The following ACKR2 variants were observed in gnomAD, a reference collection of about 807,000 sequenced individuals.
The protein encoded by ACKR2 is C-C chemokine receptor D6.
For synonymous variants in ACKR2, 207 were observed against 192.2 expected (o/e 1.08, Z -0.64); for missense variants, 457 against 477.3 (o/e 0.96, Z 0.40).
chr3:42,839,970 T>C (rs2125612986), intron 2 of ACKR2, among the ~76,000 whole-genome samples: 1 of 151,988 alleles, frequency 6.6e-6, no homozygotes, highest in South Asian at 2.1e-4. Context: ...AGAAATGAAA[T>C]AGAGCAGGCC....
intron 2 of ACKR2, among the ~76,000 whole-genome samples, chr3:42,834,304 T>C (rs1371183241): frequency 6.6e-6 from 1 of 152,190 alleles, no homozygotes; most frequent in African/African-American, 2.4e-5. Flanking sequence ...TCAATGATCT[T>C]TGATGTTACT....
Position 42,864,838 on chromosome 3 carries a change from CG to C in ACKR2, c.339del (p.Ser114ValfsTer7), listed in dbSNP as rs745745302. 3.5e-5 allele frequency: 57 copies of C among 1,614,030 alleles called. 2 individuals carry two copies. The Admixed American group carries it at 9.2e-4, about 26-fold the overall frequency. ...TCTCCGTGGCCTGGCATTGGGTCTTCGGGAGTTTCTTGTGCAAGATGGTGAG... is the reference window on the plus strand; with the variant it reads ...TCTCCGTGGCCTGGCATTGGGTCTTCGGAGTTTCTTGTGCAAGATGGTGAG... The part of the protein sequence containing the change: ...GISVAWHWVF[G>X]SFLCKMVSTL... On this transcript the variant is annotated frameshift_variant, in exon 3 of 3. Transcript: ENST00000422265. LOFTEE classifies it low-confidence loss of function (END_TRUNC).
chr3:42,831,733 G>T (rs1700933932), intron 2 of ACKR2, among the ~76,000 whole-genome samples: 1 of 152,180 alleles, frequency 6.6e-6, no homozygotes, highest in East Asian at 1.9e-4. Context: ...ATGTTCTTTA[G>T]AGTTCTCTTC....
chr3:42,860,163 G>GAAAAAAAAAAAAAAA (rs2088367013), intron 2 of ACKR2, among the ~76,000 whole-genome samples: 1 of 4,928 alleles, frequency 2.0e-4, no homozygotes, highest in African/African-American at 7.1e-4. Context: ...CAAATGGAAA[G>GAAAAAAAAAAAAAAA]CAAAAAAAAA....
chr3:42,828,092 A>ATATATATATATTTTT (rs1193533555), intron 2 of ACKR2, among the ~76,000 whole-genome samples: 1 of 121,894 alleles, frequency 8.2e-6, no homozygotes, highest in African/African-American at 3.2e-5. Flanking sequence ...ATATATATAT[A>ATATATATATATTTTT]TTTTTTTTTT....
In ACKR2 at chr3:42,865,698, C is replaced by T. The variant is rs752252717; in HGVS notation, c.*41C>T. On this transcript the variant is annotated 3_prime_UTR_variant, in exon 3 of 3. Transcript: ENST00000422265. ...TCTGGTGGGAACAGATGGGAACCAG[C>T]TCAATTGGGTGTCCACTCAAAGTGC... The T allele has an allele frequency of 3.3e-6, 5 of 1,508,672 alleles. No individual in the cohort carries two copies. In the African/African-American group the frequency reaches 6.9e-5, roughly 21 times the overall value. 93.5% of individuals were successfully genotyped at this position (1,508,672 alleles called of 1,614,324 possible).
chr3:42,865,294 C>T lies in ACKR2; in HGVS notation c.792C>T (p.Phe264=). The part of the protein sequence containing the change: ...ALVVAFFVLW[F]PYNLTLFLHT... The stretch of plus-strand genomic sequence containing the variant: ...TGGTGGCCTTCTTCGTGCTATGGTT[C>T]CCATACAATCTCACCTTGTTTCTGC... Residue 264 remains phenylalanine, a synonymous_variant, in exon 3 of 3, where the codon TTC becomes TTT. Coordinates refer to ENST00000422265, the MANE Select transcript of ACKR2 (RefSeq NM_001296.5). 1 of 1,614,180 alleles carries T rather than the reference C, an allele frequency of 6.2e-7. No individual in the cohort carries two copies. Among genetic ancestry groups the T allele is most frequent in the Non-Finnish European group, 8.5e-7 (1 of 1,180,036 alleles).
Position 42,865,948 on chromosome 3 carries a change from C to A in ACKR2, c.*291C>A. 2.9e-6 allele frequency: 1 copy of A among 345,016 alleles called. No homozygotes were observed. Among genetic ancestry groups the A allele is most frequent in the South Asian group, 3.8e-5 (1 of 26,008 alleles). 21.4% of individuals were successfully genotyped at this position (345,016 alleles called of 1,614,324 possible). A position where few individuals can be genotyped will look rare whatever the true frequency, so the allele number is the denominator to read the frequency against. Reference sequence around the variant, plus strand: ...CCTCCCTCCCTCCCTCGCTTCTTCCCTTCCTCCTTTCCTCCCTTCCTACTT... The same window carrying A: ...CCTCCCTCCCTCCCTCGCTTCTTCCATTCCTCCTTTCCTCCCTTCCTACTT... On this transcript the variant is annotated 3_prime_UTR_variant, in exon 3 of 3. Coordinates refer to ENST00000422265, the MANE Select transcript of ACKR2 (RefSeq NM_001296.5).
chr3:42,861,488 G>T (rs1335428259), intron 2 of ACKR2, among the ~76,000 whole-genome samples: 1 of 152,136 alleles, frequency 6.6e-6, no homozygotes, highest in Non-Finnish European at 1.5e-5. Flanking sequence ...ATAGAAAAAA[G>T]AGGGAATCCT....
intron 2 of ACKR2, among the ~76,000 whole-genome samples, chr3:42,833,703 A>G (rs1392365117): frequency 1.5e-5 from 2 of 130,354 alleles, no homozygotes; most frequent in East Asian, 6.3e-4. Flanking sequence ...TTGAGAGATC[A>G]TTTAAAAAAA....
chr3:42,851,478 T>C (rs1701158673), intron 2 of ACKR2: 1 of 978,902 alleles, frequency 1.0e-6, no homozygotes, highest in Non-Finnish European at 1.2e-6. Flanking sequence ...ATACTCGGGG[T>C]GTGGGGTGGG....
At chr3:42,856,515 A>G (rs1192993979) in intron 2 of ACKR2, 1 of 664,736 alleles carries the variant, frequency 1.5e-6, no homozygotes, top group African/African-American at 1.8e-5. Flanking sequence ...GGCTAAGGAA[A>G]ATGTTTGCAA....
chr3:42,826,671 T>C (rs903941264), intron 2 of ACKR2, among the ~76,000 whole-genome samples: 1 of 152,180 alleles, frequency 6.6e-6, no homozygotes, highest in African/African-American at 2.4e-5. Context: ...TTGCTGATGT[T>C]TTCCAAGAAC....
At chr3:42,848,867 T>C (rs761203874) in intron 2 of ACKR2, among the ~76,000 whole-genome samples, 2 of 152,230 alleles carry the variant, frequency 1.3e-5, no homozygotes, top group African/African-American at 4.8e-5. Context: ...AGATCACTTC[T>C]GTGTTGTTCC....
chr3:42,851,416 C>G (rs1199686378), intron 2 of ACKR2: 1 of 985,378 alleles, frequency 1.0e-6, no homozygotes, highest in Non-Finnish European at 1.2e-6. Flanking sequence ...TCCTCCCAGG[C>G]TTGTGGTGGA....
chr3:42,818,232 C>G (rs1270214413), intron 1 of ACKR2, among the ~76,000 whole-genome samples: 1 of 152,234 alleles, frequency 6.6e-6, no homozygotes, highest in Non-Finnish European at 1.5e-5. Flanking sequence ...TCTCTCCGCA[C>G]AAGCCTGCAC....
rs779184291 is a variant in ACKR2, at chr3:42,864,514, T to C, written c.12T>C (p.Thr4=). MAA[T]ASPQPLATED... The stretch of plus-strand genomic sequence containing the variant: ...CATTTCCTTCCAACATGGCCGCCAC[T>C]GCCTCTCCGCAGCCACTCGCCACTG... Residue 4 remains threonine, a synonymous_variant, in exon 3 of 3, where the codon ACT becomes ACC. Transcript: ENST00000422265. 2.3e-5 allele frequency: 37 copies of C among 1,600,250 alleles called. No individual in the cohort carries two copies. In the Admixed American group the frequency reaches 6.3e-4, roughly 27 times the overall value.
intron 2 of ACKR2, among the ~76,000 whole-genome samples, chr3:42,829,084 A>G (rs920285419): frequency 6.6e-6 from 1 of 152,174 alleles, no homozygotes; most frequent in Admixed American, 6.5e-5. Context: ...GTGGACTTGA[A>G]CAGGGTGAAA....
chr3:42,814,465 C>T (rs1437325630), intron 1 of ACKR2, among the ~76,000 whole-genome samples: 2 of 152,214 alleles, frequency 1.3e-5, no homozygotes, highest in East Asian at 3.8e-4. Flanking sequence ...ATGATCGTAT[C>T]TTCCATAGGA....
Sources: allele counts gnomAD v4.1 joint callset (sites outside exome capture counted in the v4.1 genomes callset), GRCh38; gene constraint gnomAD v4.1.1; transcripts MANE v1.5; gene names NCBI Gene and HGNC (gene_info 2026-07-23, HGNC 2026-07-21).